The following COL6A3 variants were observed in gnomAD, a reference collection of about 807,000 sequenced individuals.
COL6A3 encodes collagen alpha-3(VI) chain.
In COL6A3, 137 loss-of-function variants were observed where a neutral mutation model predicts 274.1. The ratio of observed to expected loss-of-function variants is 0.50; its 90% CI spans 0.44 to 0.58. COL6A3 has a LOEUF of 0.58. COL6A3 is among the 20% of genes least tolerant of loss of function. The pLI is 0.00. For missense variants in COL6A3, 3,950 were observed against 4,124.9 expected (o/e 0.96, Z 1.16); for synonymous variants, 1,650 against 1,650.6 (o/e 1.00, Z 0.01).
Position 237,394,948 on chromosome 2 carries a change from AT to A in COL6A3, c.347del (p.Asn116IlefsTer7). The part of the protein sequence containing the change: ...ISNMSYIGGT[N>X]QTGKGLEYIM... The stretch of plus-strand genomic sequence containing the variant: ...TGTATTCTAATCCTTTTCCAGTCTG[AT>A]TGGTTCCCCCAATATAAGACATGTT... On this transcript the variant is annotated frameshift_variant, in exon 3 of 44. Transcript: ENST00000295550. LOFTEE classifies it high-confidence loss of function. The A allele has an allele frequency of 1.2e-6, 2 of 1,614,048 alleles. No homozygotes were observed. Among genetic ancestry groups the A allele is most frequent in the Non-Finnish European group, 1.7e-6 (2 of 1,179,988 alleles).
chr2:237,357,826 G>A lies in COL6A3; in HGVS notation c.6528C>T (p.Leu2176=), dbSNP rs560225578. 33 of 1,614,080 alleles carry A rather than the reference G, an allele frequency of 2.0e-5. No homozygotes were observed. The highest frequency in any genetic ancestry group is 6.7e-5 in the African/African-American group (5 of 75,034). Residue 2176 remains leucine (L), a synonymous_variant, in exon 22 of 44, where the codon CTC becomes CTT. Transcript: ENST00000295550. ...ERGPKGETGD[L]GPMGVPGRDG... ...ATGTGCAGCACCTTACCATGGGGCC[G>A]AGGTCACCGGTTTCTCCTTTGGGTC...
In COL6A3 at chr2:237,374,796, T is replaced by C. The variant is rs1399944820; in HGVS notation, c.3295A>G (p.Thr1099Ala). Reference protein sequence around the residue: ...QDVVNAVRQLTLLGGPTPNTG... With the variant: ...QDVVNAVRQLALLGGPTPNTG... ...TTGGGGGTCGGCCCTCCCAGCAGGGTCAGCTGGCGGACAGCGTTGACGACG... is the reference window on the plus strand; with the variant it reads ...TTGGGGGTCGGCCCTCCCAGCAGGGCCAGCTGGCGGACAGCGTTGACGACG... Residue 1099 changes from threonine to alanine, a missense_variant, in exon 8 of 44, where the codon ACC becomes GCC. This residue lies in a region of COL6A3 where 1,934 missense variants were observed against 1,984.3 expected (regional missense o/e 0.97). Transcript: ENST00000295550. The surrounding 1 kb of genome is among the most constrained non-coding windows in gnomAD (Gnocchi z 4.8). 1 of 1,613,862 alleles carries C rather than the reference T, an allele frequency of 6.2e-7. No homozygotes were observed. Among genetic ancestry groups the C allele is most frequent in the East Asian group, 2.2e-5 (1 of 44,864 alleles).
At chr2:237,360,392 C>T (rs1295439177) in intron 16 of COL6A3, among the ~76,000 whole-genome samples, 4 of 152,080 alleles carry the variant, frequency 2.6e-5, no homozygotes, top group East Asian at 1.9e-4. Context: ...AGGGTAGCAG[C>T]GCAGACAGCA....
In COL6A3 at chr2:237,336,541, A is replaced by G. The variant is rs1369507012; in HGVS notation, c.8568-9T>C. ...CGTTATTCGGAACATTTCTGTTAAGACAAATTAAATATTACCTCTACTTTT... is the reference window on the plus strand; with the variant it reads ...CGTTATTCGGAACATTTCTGTTAAGGCAAATTAAATATTACCTCTACTTTT... On this transcript the variant is annotated splice_polypyrimidine_tract_variant and intron_variant, in intron 39 of 43. Transcript: ENST00000295550. 3.1e-6 allele frequency: 5 copies of G among 1,613,744 alleles called. No individual in the cohort carries two copies. In the African/African-American group the frequency reaches 4.0e-5, roughly 13 times the overall value.
At position 237,324,069 on chromosome 2, in the gene COL6A3, A is replaced by G. The variant is rs2106296892; in HGVS notation, c.*705T>C. On this transcript the variant is annotated 3_prime_UTR_variant, in exon 44 of 44. Transcript: ENST00000295550. ...GTTTCTTTGTATAAATTTCCTAAAC[A>G]TTTTAAAATTAAAATTAAATCCCCT... is the stretch of plus-strand genomic sequence containing the variant. 6.6e-6 allele frequency: 1 copy of G among 152,524 alleles called. No individual in the cohort carries two copies. Among genetic ancestry groups the G allele is most frequent in the East Asian group, 1.9e-4 (1 of 5,176 alleles). The allele number at this position is 152,524 out of a possible 1,614,324, so 9.4% of individuals were successfully genotyped here.
intron 23 of COL6A3, among the ~76,000 whole-genome samples, chr2:237,356,148 G>A (rs1223335003): frequency 6.6e-6 from 1 of 152,200 alleles, no homozygotes; most frequent in African/African-American, 2.4e-5. Flanking sequence ...TACCTTGTGT[G>A]TAGAATTGAA....
intron 23 of COL6A3, chr2:237,356,783 TC>T (rs1228417696): frequency 6.1e-6 from 1 of 164,662 alleles, no homozygotes; most frequent in Non-Finnish European, 1.3e-5. Context: ...ATCATTCACA[TC>T]ACTTTGACTT....
Position 237,369,142 on chromosome 2 carries a change from T to A in COL6A3, c.4321A>T (p.Ile1441Phe), listed in dbSNP as rs1275023946. ...ESDAADIVFLIDSSEGVRPDG... is the reference protein window; with the variant it reads ...ESDAADIVFLFDSSEGVRPDG... ...GGCCTAACTCCCTCAGAGCTGTCGA[T>A]CAGAAAGACAATGTCTGCAGCATCA... The change falls in exon 10 of 44, where the codon ATC (isoleucine) becomes TTC (phenylalanine). Residue 1441 changes from isoleucine to phenylalanine, a missense_variant. Ile to Phe is a conservative substitution (Grantham distance 21). Around this residue, in one of 5 missense-constraint regions of COL6A3, gnomAD observed 1,934 missense variants for 1,984.3 expected, o/e 0.97. Coordinates refer to ENST00000295550, the MANE Select transcript of COL6A3 (RefSeq NM_004369.4). 1 of 1,613,422 alleles carries A rather than the reference T, an allele frequency of 6.2e-7. No homozygotes were observed. Among genetic ancestry groups the A allele is most frequent in the Non-Finnish European group, 8.5e-7 (1 of 1,180,046 alleles).
intron 20 of COL6A3, 64 bp from the exon 21 acceptor site, chr2:237,358,647 A>C: frequency 7.2e-7 from 1 of 1,384,568 alleles, no homozygotes; most frequent in Non-Finnish European, 1.0e-6. Flanking sequence ...CACCCTAAAA[A>C]TCACATTCTT....
intron 14 of COL6A3, among the ~76,000 whole-genome samples, chr2:237,362,797 T>C (rs1287679391): frequency 3.3e-5 from 5 of 152,172 alleles, no homozygotes; most frequent in African/African-American, 7.2e-5. Flanking sequence ...GGGAGCTTCA[T>C]TGACACAGAG....
chr2:237,354,060 G>A lies in COL6A3; in HGVS notation c.6628-657C>T, dbSNP rs1476116233. ...GAGTTTCACTCTAGTTGCCCAGGCTGGAGTGCAATGGCATGATCTTGGCTC... is the reference window on the plus strand; with the variant it reads ...GAGTTTCACTCTAGTTGCCCAGGCTAGAGTGCAATGGCATGATCTTGGCTC... On this transcript the variant is annotated intron_variant, in intron 24 of 43. Coordinates refer to ENST00000295550, the MANE Select transcript of COL6A3 (RefSeq NM_004369.4). Among the ~76,000 whole-genome samples the A allele has an allele frequency of 2.7e-5, 4 of 149,148 alleles. No individual in the cohort carries two copies. In the East Asian group the frequency reaches 7.8e-4, roughly 29 times the overall value.
rs1452865152 is a variant in COL6A3 at position 237,381,206 on chromosome 2, G to A, written c.1606C>T (p.Leu536=). 6.2e-7 allele frequency: 1 copy of A among 1,614,154 alleles called. No homozygotes were observed. Among genetic ancestry groups the A allele is most frequent in the South Asian group, 1.1e-5 (1 of 91,092 alleles). Residue 536 remains leucine, a synonymous_variant, in exon 5 of 44, where the codon CTA becomes TTA. Coordinates refer to ENST00000295550, the MANE Select transcript of COL6A3 (RefSeq NM_004369.4). ...GSALDFVRNN[L]FTSSAGYRAA... is the part of the protein sequence containing the mutation. ...CGGTAGCCGGCTGAACTCGTGAATAGGTTGTTACGAACAAAGTCTAGAGCA... is the reference window on the plus strand; with the variant it reads ...CGGTAGCCGGCTGAACTCGTGAATAAGTTGTTACGAACAAAGTCTAGAGCA...
At chr2:237,353,261 G>T in intron 25 of COL6A3, 80 bp downstream of exon 25, 3 of 1,387,868 alleles carry the variant, frequency 2.2e-6, no homozygotes, top group Non-Finnish European at 3.0e-6. Flanking sequence ...TTAACTTTCC[G>T]GATATAAATG....
chr2:237,346,445 G>T, intron 32 of COL6A3, 58 bp downstream of exon 32: 1 of 1,479,406 alleles, frequency 6.8e-7, no homozygotes, highest in African/African-American at 1.4e-5. Flanking sequence ...AGTTTTCAGG[G>T]ACCACGTGTA....
rs2106370456 is a variant in COL6A3, at chr2:237,381,496, A to G, written c.1316T>C (p.Ile439Thr). The change falls in exon 5 of 44, where the codon ATT becomes ACT. Residue 439 changes from isoleucine to threonine, a missense_variant. By Grantham distance (89) the Ile-to-Thr change is moderately conservative. Coordinates refer to ENST00000295550, the MANE Select transcript of COL6A3 (RefSeq NM_004369.4). ...GACTATGTCTCTCTTGTTGACTTCA[A>G]TGACTGTAGGTGGCAACATTATAAG... Reference protein sequence around the residue: ...LKPPTIVTQVIEVNKRDIVFL... With the variant: ...LKPPTIVTQVTEVNKRDIVFL... 2 of 1,601,130 alleles carry G rather than the reference A, an allele frequency of 1.2e-6. No individual in the cohort carries two copies. The highest frequency in any genetic ancestry group is 1.7e-6 in the Non-Finnish European group (2 of 1,179,374).
At chr2:237,359,456 C>T in intron 17 of COL6A3, 68 bp from the exon 18 acceptor site, 1 of 1,537,824 alleles carries the variant, frequency 6.5e-7, no homozygotes, top group Non-Finnish European at 9.0e-7. Context: ...GCAGAAGAGG[C>T]CAAGGGCTGT....
chr2:237,380,465 G>A (rs28496024), intron 5 of COL6A3, among the ~76,000 whole-genome samples: 2 of 152,194 alleles, frequency 1.3e-5, no homozygotes, highest in African/African-American at 4.8e-5. Context: ...AGAAGAGAGG[G>A]ATTAAAAGCT....
chr2:237,361,879 A>G lies in COL6A3; in HGVS notation c.6064-48T>C. 4.5e-6 allele frequency: 7 copies of G among 1,540,426 alleles called. No individual in the cohort carries two copies. The highest frequency in any genetic ancestry group is 6.3e-6 in the Non-Finnish European group (7 of 1,112,756). The stretch of plus-strand genomic sequence containing the variant: ...AATGTTCAGATCTCAAGAAATGCCC[A>G]GCAGAAAATCATAAATGCGCTTTAA... On this transcript the variant is annotated intron_variant, in intron 14 of 43. Coordinates refer to ENST00000295550, the MANE Select transcript of COL6A3 (RefSeq NM_004369.4). This position sits in a 1 kb window ranked among gnomAD's most constrained non-coding sequence, Gnocchi z 5.1.
chr2:237,361,858 T>C lies in COL6A3; in HGVS notation c.6064-27A>G. On this transcript the variant is annotated intron_variant, in intron 14 of 43. Coordinates refer to ENST00000295550, the MANE Select transcript of COL6A3 (RefSeq NM_004369.4). The surrounding 1 kb of genome is among the most constrained non-coding windows in gnomAD (Gnocchi z 5.1). ...TACCGAAAGGAAGAGAAACCAAATG[T>C]TCAGATCTCAAGAAATGCCCAGCAG... The C allele has an allele frequency of 6.3e-7, 1 of 1,595,608 alleles. No individual in the cohort carries two copies. The highest frequency in any genetic ancestry group is 8.6e-7 in the Non-Finnish European group (1 of 1,163,100).
Sources: gnomAD v4.1 joint callset for allele counts (sites outside exome capture counted in the v4.1 genomes callset) on GRCh38, gnomAD v4.1.1 for gene constraint, gnomAD v4.1.1 regional missense constraint, Gnocchi (gnomAD v3.1) non-coding constraint, MANE v1.5 for transcripts, NCBI Gene and HGNC (gene_info 2026-07-23, HGNC 2026-07-21) for gene names.